CADM2: variants seen among roughly 807,000 people sequenced by gnomAD.
CADM2 encodes immunoglobulin superfamily member 4D.
A neutral mutation model predicts 49.8 loss-of-function variants in CADM2; 12 were observed. That is an observed-to-expected ratio of 0.24 (90% CI 0.15 to 0.39). CADM2 has a LOEUF of 0.39. CADM2 is among the 10% of genes least tolerant of loss of function. The pLI is 1.00. For synonymous variants in CADM2, 214 were observed against 175.4 expected (o/e 1.22, Z -1.74); for missense variants, 378 against 492.3 (o/e 0.77, Z 2.20).
chr3:85,273,332 A>G (rs2043285462), intron 1 of CADM2, among the ~76,000 whole-genome samples: 1 of 151,298 alleles, frequency 6.6e-6, no homozygotes, highest in African/African-American at 2.4e-5. Flanking sequence ...GATTTTGAAT[A>G]GAAGAGGAAC....
At chr3:85,040,697 C>T (rs2035399770) in intron 1 of CADM2, among the ~76,000 whole-genome samples, 1 of 152,176 alleles carries the variant, frequency 6.6e-6, no homozygotes, top group Admixed American at 6.5e-5. Flanking sequence ...GGCAAAAACA[C>T]AAGCACAGTC....
intron 1 of CADM2, among the ~76,000 whole-genome samples, chr3:85,487,623 TGGA>T (rs2039478968): frequency 8.2e-6 from 1 of 122,422 alleles, no homozygotes. Context: ...GAGGAGGAAG[TGGA>T]GGAGGAGGAC....
intron 1 of CADM2, among the ~76,000 whole-genome samples, chr3:85,065,147 A>G (rs933621645): frequency 6.6e-6 from 1 of 152,118 alleles, no homozygotes; most frequent in Admixed American, 6.6e-5. Flanking sequence ...GAAAATAAAT[A>G]GGACAATCTT....
chr3:85,455,983 ACAAATGACAT>A (rs1288098816), intron 1 of CADM2, among the ~76,000 whole-genome samples: 3 of 152,202 alleles, frequency 2.0e-5, no homozygotes, highest in African/African-American at 7.2e-5. Context: ...CATAAAAATA[ACAAATGACAT>A]CACGTGACCT....
At chr3:85,268,549 G>T (rs900198238) in intron 1 of CADM2, among the ~76,000 whole-genome samples, 4 of 151,084 alleles carry the variant, frequency 2.6e-5, no homozygotes, top group Non-Finnish European at 4.4e-5. Context: ...TAATAAATTT[G>T]TGTGCATATT....
At chr3:85,760,146 T>C (rs1306856232) in intron 2 of CADM2, among the ~76,000 whole-genome samples, 3 of 152,102 alleles carry the variant, frequency 2.0e-5, no homozygotes, top group African/African-American at 7.2e-5. Context: ...ATATATGAAG[T>C]TTTCTGAAAT....
intron 1 of CADM2, among the ~76,000 whole-genome samples, chr3:85,413,161 A>AAAAAAATAAT (rs1553720239): frequency 1.8e-5 from 2 of 108,524 alleles, no homozygotes; most frequent in African/African-American, 8.1e-5. Context: ...AAAAAAAAAA[A>AAAAAAATAAT]AATAATAATA....
At chr3:85,994,276 T>C (rs1729106768) in intron 8 of CADM2, 1 of 152,172 alleles carries the variant, frequency 6.6e-6, no homozygotes, top group South Asian at 2.1e-4. Flanking sequence ...TGAACCAACC[T>C]CCACTAGCTT....
At chr3:85,731,858 T>G (rs1213390237) in intron 2 of CADM2, among the ~76,000 whole-genome samples, 1 of 152,042 alleles carries the variant, frequency 6.6e-6, no homozygotes, top group Non-Finnish European at 1.5e-5. Flanking sequence ...AATATCCTGC[T>G]TTTATTATCA....
chr3:85,955,906 TCTTTTTA>T (rs1723998799), intron 7 of CADM2, among the ~76,000 whole-genome samples: 1 of 151,684 alleles, frequency 6.6e-6, no homozygotes, highest in South Asian at 2.1e-4. Flanking sequence ...ATTTTGTCTC[TCTTTTTA>T]CTTTTAACTT....
chr3:85,526,607 T>G (rs567226886), intron 1 of CADM2, among the ~76,000 whole-genome samples: 1 of 152,328 alleles, frequency 6.6e-6, no homozygotes, highest in African/African-American at 2.4e-5. Flanking sequence ...GAAACTCATT[T>G]TCTTCACATA....
chr3:85,381,786 C>A (rs1255978254), intron 1 of CADM2, among the ~76,000 whole-genome samples: 1 of 152,000 alleles, frequency 6.6e-6, no homozygotes, highest in Non-Finnish European at 1.5e-5. Context: ...GACTCCTCAG[C>A]ATCCAAGGGC....
chr3:85,452,151 G>T (rs1392785335), intron 1 of CADM2, among the ~76,000 whole-genome samples: 3 of 151,996 alleles, frequency 2.0e-5, no homozygotes, highest in Non-Finnish European at 4.4e-5. Flanking sequence ...ATTTTGTTTG[G>T]TTTTCAGAAT....
In CADM2 at chr3:85,981,089, A is replaced by C. The variant is rs193024418; in HGVS notation, c.970+19442A>C. ...AAGTACTATTGTTCTTTGTGGGAAA[A>C]TATTACATGTGGTCTTCCGGTCTTT... On this transcript the variant is annotated intron_variant, in intron 8 of 9. Coordinates refer to ENST00000383699, the MANE Select transcript of CADM2 (RefSeq NM_001167675.2). Among the ~76,000 whole-genome samples the C allele has an allele frequency of 2.6e-5, 4 of 151,364 alleles. No homozygotes were observed. In the East Asian group the frequency reaches 7.8e-4, roughly 29 times the overall value.
chr3:85,355,582 C>A (rs1343078497), intron 1 of CADM2, among the ~76,000 whole-genome samples: 2 of 152,020 alleles, frequency 1.3e-5, no homozygotes, highest in Admixed American at 1.3e-4. Context: ...TTGTGCCAAG[C>A]ACTATTTTAG....
intron 1 of CADM2, among the ~76,000 whole-genome samples, chr3:85,496,045 C>A (rs1338225524): frequency 6.6e-6 from 1 of 152,084 alleles, no homozygotes; most frequent in African/African-American, 2.4e-5. Flanking sequence ...ATCTAAATTT[C>A]TTTAAATTTC....
At chr3:85,637,867 T>G (rs1324826036) in intron 1 of CADM2, among the ~76,000 whole-genome samples, 1 of 151,988 alleles carries the variant, frequency 6.6e-6, no homozygotes, top group Non-Finnish European at 1.5e-5. Flanking sequence ...TCACAAAAAT[T>G]TAGGTGAAAA....
At chr3:85,348,326 T>G (rs1218206835) in intron 1 of CADM2, among the ~76,000 whole-genome samples, 5 of 152,186 alleles carry the variant, frequency 3.3e-5, no homozygotes, top group African/African-American at 4.8e-5. Context: ...AAGGTGAGCT[T>G]CTTCAACAGT....
intron 8 of CADM2, among the ~76,000 whole-genome samples, chr3:85,969,646 A>C (rs1360556180): frequency 6.6e-6 from 1 of 151,312 alleles, no homozygotes; most frequent in Non-Finnish European, 1.5e-5. Flanking sequence ...ATATATGTAC[A>C]CATATATGTA....
Sources: gnomAD v4.1 joint callset for allele counts (sites outside exome capture counted in the v4.1 genomes callset) on GRCh38, gnomAD v4.1.1 for gene constraint, MANE v1.5 for transcripts, NCBI Gene and HGNC (gene_info 2026-07-23, HGNC 2026-07-21) for gene names.